The following ILKAP variants were observed in gnomAD, a reference collection of about 807,000 sequenced individuals.
The protein encoded by ILKAP is ILK associated serine/threonine phosphatase.
Under a neutral mutation model 49.1 loss-of-function variants are expected in ILKAP, and 11 were observed. The ratio of observed to expected loss-of-function variants is 0.22; its 90% confidence interval spans 0.14 to 0.37. The LOEUF is 0.37. Ranked by LOEUF, ILKAP falls within the 10% of genes least tolerant of loss-of-function variation. The probability of loss-of-function intolerance (pLI) is 1.00; values close to 1 mark genes in which losing one functional copy is unlikely to be tolerated. For synonymous variants in ILKAP, 186 were observed against 192.8 expected (o/e 0.96, Z 0.29); for missense variants, 363 against 510.8 (o/e 0.71, Z 2.79).
intron 9 of ILKAP, among the ~76,000 whole-genome samples, chr2:238,175,546 G>A (rs1467415304): frequency 4.6e-5 from 7 of 152,148 alleles, no homozygotes; most frequent in Admixed American, 2.0e-4. Context: ...CACTCAATGC[G>A]ATGTCCTACG....
chr2:238,189,991 C>T lies in ILKAP; in HGVS notation c.179-19G>A. 6.2e-7 allele frequency: 1 copy of T among 1,612,924 alleles called. No homozygotes were observed. The highest frequency in any genetic ancestry group is 8.5e-7 in the Non-Finnish European group (1 of 1,179,390). ...AGAGAACCTGGAAATAAAGTAAAAGCCAGACAGAAACACAGCTGTAGACTG... is the reference window on the plus strand; with the variant it reads ...AGAGAACCTGGAAATAAAGTAAAAGTCAGACAGAAACACAGCTGTAGACTG... On this transcript the variant is annotated intron_variant, in intron 3 of 11. Coordinates refer to ENST00000254654, the MANE Select transcript of ILKAP (RefSeq NM_030768.3).
intron 9 of ILKAP, among the ~76,000 whole-genome samples, chr2:238,174,850 G>A (rs1280680837): frequency 6.8e-6 from 1 of 148,018 alleles, no homozygotes; most frequent in African/African-American, 2.4e-5. Flanking sequence ...GCAGCTCACA[G>A]TGTAAGTACT....
Position 238,170,408 on chromosome 2 carries a change from A to T in ILKAP, c.*128T>A. ...GTATAATAACTCAAAAGACTAGGAA[A>T]AAAAAAGAGAAACCTTTATTTACAA... On this transcript the variant is annotated 3_prime_UTR_variant, in exon 12 of 12. Coordinates refer to ENST00000254654, the MANE Select transcript of ILKAP (RefSeq NM_030768.3). The T allele has an allele frequency of 3.7e-6, 4 of 1,087,780 alleles. No individual in the cohort carries two copies. The highest frequency in any genetic ancestry group is 5.2e-6 in the Non-Finnish European group (4 of 763,122). 67.4% of individuals were successfully genotyped at this position (1,087,780 alleles called of 1,614,324 possible). A position where few individuals can be genotyped will look rare whatever the true frequency, so the allele number is the denominator to read the frequency against.
intron 9 of ILKAP, among the ~76,000 whole-genome samples, chr2:238,179,219 G>GT (rs1693590054): frequency 1.3e-5 from 2 of 152,180 alleles, no homozygotes; most frequent in African/African-American, 4.8e-5. Flanking sequence ...CCCCATGACT[G>GT]TGACTACAAC....
chr2:238,170,856 G>C (rs754242087), intron 11 of ILKAP, 87 bp downstream of exon 11: 1 of 1,436,654 alleles, frequency 7.0e-7, no homozygotes, highest in Non-Finnish European at 9.8e-7. Flanking sequence ...GTCCCACAAT[G>C]GGAGGAAATG....
chr2:238,199,332 T>C (rs1169711697), intron 1 of ILKAP, among the ~76,000 whole-genome samples: 5 of 152,226 alleles, frequency 3.3e-5, no homozygotes, highest in Non-Finnish European at 7.3e-5. Context: ...TTAAATCTGA[T>C]AGAAGCCAAA....
chr2:238,181,014 C>T (rs919548505), intron 9 of ILKAP, among the ~76,000 whole-genome samples: 7 of 152,188 alleles, frequency 4.6e-5, no homozygotes, highest in Non-Finnish European at 1.0e-4. Flanking sequence ...GAAACCAGGC[C>T]TATAATCCCA....
chr2:238,178,455 C>T (rs1362002888), intron 9 of ILKAP, among the ~76,000 whole-genome samples: 1 of 152,204 alleles, frequency 6.6e-6, no homozygotes, highest in African/African-American at 2.4e-5. Context: ...TCCCGATGCA[C>T]TGGAATTACA....
At chr2:238,195,800 C>T (rs946834681) in intron 1 of ILKAP, among the ~76,000 whole-genome samples, 8 of 151,958 alleles carry the variant, frequency 5.3e-5, no homozygotes, top group Admixed American at 2.0e-4. Flanking sequence ...CCCAGCACTT[C>T]GGTAGGCTGA....
chr2:238,184,887 C>T (rs1693840860), intron 6 of ILKAP, among the ~76,000 whole-genome samples: 1 of 152,156 alleles, frequency 6.6e-6, no homozygotes. Flanking sequence ...ACATATAACA[C>T]AGTGCTATTT....
Position 238,182,254 on chromosome 2 carries a change from AAAAACAGTTAACAATGGAGTTTGAAG to A in ILKAP, c.715-94_715-69del, listed in dbSNP as rs1693726249. 1.0e-5 allele frequency: 16 copies of A among 1,566,090 alleles called. No homozygotes were observed. The South Asian group carries it at 1.1e-4, about 11-fold the overall frequency. ...GCAGCATCTAAAGGTACCAGTTGAA[AAAAACAGTTAACAATGGAGTTTGAAG>A]AAAACAGTTAACAATGGAGTTTCAC... is the stretch of plus-strand genomic sequence containing the variant. On this transcript the variant is annotated intron_variant, in intron 8 of 11. Transcript: ENST00000254654.
chr2:238,189,732 C>A, intron 4 of ILKAP, 121 bp downstream of exon 4: 1 of 873,794 alleles, frequency 1.1e-6, no homozygotes, highest in Middle Eastern at 3.6e-4. Flanking sequence ...AAAGGGAACC[C>A]TACTTATTTC....
Position 238,183,742 on chromosome 2 carries a change from T to TG in ILKAP, c.627-3dup. ...GACCCATCTTTCCAGGCAGGCTTCC[T>TG]GGGGGGAAACACATCAGAAACACAG... On this transcript the variant is annotated splice_region_variant and splice_polypyrimidine_tract_variant and intron_variant, in intron 7 of 11. Transcript: ENST00000254654. 1 of 1,611,008 alleles carries TG rather than the reference T, an allele frequency of 6.2e-7. No homozygotes were observed. The highest frequency in any genetic ancestry group is 8.5e-7 in the Non-Finnish European group (1 of 1,178,766).
chr2:238,174,716 C>T (rs998301755), intron 9 of ILKAP, among the ~76,000 whole-genome samples: 16 of 152,148 alleles, frequency 1.1e-4, no homozygotes, highest in African/African-American at 3.6e-4. Context: ...CTGGTATCTG[C>T]AAAAAGCCTA....
chr2:238,185,437 G>A, intron 5 of ILKAP, 150 bp from the exon 6 acceptor site: 1 of 524,106 alleles, frequency 1.9e-6, no homozygotes, highest in Non-Finnish European at 3.5e-6. Flanking sequence ...TTACAAATGG[G>A]AAAAAAAAGG....
In ILKAP at chr2:238,170,653, T is replaced by A; in HGVS notation, c.1062A>T (p.Glu354Asp). ...AGCGGGCGTCGGCTGCGGACTTCCC[T>A]TCCCGGGTCTGGATCTTTTCATCCT... ...CLEDEKIQTR[E>D]GKSAADARYE... Residue 354 changes from glutamate (E) to aspartate (D), a missense_variant, in exon 12 of 12, where the codon GAA becomes GAT. Coordinates refer to ENST00000254654, the MANE Select transcript of ILKAP (RefSeq NM_030768.3). 1.3e-6 allele frequency: 2 copies of A among 1,598,466 alleles called. No homozygotes were observed. Among genetic ancestry groups the A allele is most frequent in the Non-Finnish European group, 1.7e-6 (2 of 1,167,658 alleles).
At chr2:238,193,174 T>A (rs1694210628) in intron 3 of ILKAP, among the ~76,000 whole-genome samples, 1 of 152,264 alleles carries the variant, frequency 6.6e-6, no homozygotes, top group Non-Finnish European at 1.5e-5. Flanking sequence ...CTATGCTGTA[T>A]CTTCATTTCT....
chr2:238,196,995 A>C (rs1694369814), intron 1 of ILKAP, among the ~76,000 whole-genome samples: 1 of 152,216 alleles, frequency 6.6e-6, no homozygotes, highest in African/African-American at 2.4e-5. Flanking sequence ...TCAGCAGTTC[A>C]AGATGAGCCT....
At chr2:238,191,657 C>A (rs761605698) in intron 3 of ILKAP, among the ~76,000 whole-genome samples, 8 of 152,136 alleles carry the variant, frequency 5.3e-5, no homozygotes, top group Non-Finnish European at 8.8e-5. Flanking sequence ...CCTGTCATCC[C>A]AGCACTTTGG....
Sources: gnomAD v4.1 joint callset for allele counts (sites outside exome capture counted in the v4.1 genomes callset) on GRCh38, gnomAD v4.1.1 for gene constraint, MANE v1.5 for transcripts, NCBI Gene and HGNC (gene_info 2026-07-23, HGNC 2026-07-21) for gene names.